GAPVD1: variants seen among roughly 807,000 people sequenced by gnomAD.
The protein encoded by GAPVD1 is GTPase activating protein and VPS9 domains 1.
Under a neutral mutation model 155.5 loss-of-function variants are expected in GAPVD1, and 35 were observed. The observed-to-expected ratio is 0.23, with a 90% CI of 0.17 to 0.30. GAPVD1 has a LOEUF of 0.30. Ranked by LOEUF, GAPVD1 falls within the 10% of genes least tolerant of loss-of-function variation. GAPVD1 has a pLI of 1.00. For synonymous variants in GAPVD1, 636 were observed against 619.7 expected (o/e 1.03, Z -0.39); for missense variants, 1,429 against 1,775.7 (o/e 0.80, Z 3.51).
intron 22 of GAPVD1, 46 bp downstream of exon 22, chr9:125,350,450 G>T (rs369523796): frequency 1.1e-5 from 13 of 1,202,834 alleles, no homozygotes; most frequent in Non-Finnish European, 1.6e-5. Context: ...TTTATGGGTT[G>T]CACCATATGA....
intron 9 of GAPVD1, among the ~76,000 whole-genome samples, chr9:125,315,740 T>C (rs762904724): frequency 2.0e-5 from 3 of 151,946 alleles, no homozygotes; most frequent in Non-Finnish European, 4.4e-5. Flanking sequence ...AGGAAGAGGC[T>C]TGGGAAGGAG....
At position 125,263,665 on chromosome 9, in the gene GAPVD1, T is replaced by C. The variant is rs992463851; in HGVS notation, c.-199+1706T>C. The C allele has an allele frequency of 2.0e-5, 19 of 956,778 alleles. No homozygotes were observed. The East Asian group carries it at 4.3e-4, about 22-fold the overall frequency. The allele number at this position is 956,778 out of a possible 1,614,324, so 59.3% of individuals were successfully genotyped here. A position where few individuals can be genotyped will look rare whatever the true frequency, so the allele number is the denominator to read the frequency against. ...TGACCCAGCCCCAGCCTCAGCTTTC[T>C]TGTCGGCACTAAGTGGCACAGCACT... On this transcript the variant is annotated intron_variant, in intron 1 of 27. Coordinates refer to ENST00000297933, the MANE Select transcript of GAPVD1 (RefSeq NM_001282680.3).
At chr9:125,328,802 C>A (rs1392594616) in intron 12 of GAPVD1, among the ~76,000 whole-genome samples, 1 of 150,046 alleles carries the variant, frequency 6.7e-6, no homozygotes, top group Non-Finnish European at 1.5e-5. Flanking sequence ...CCTCACCTCC[C>A]GGACGAGGCG....
intron 2 of GAPVD1, among the ~76,000 whole-genome samples, chr9:125,293,852 T>TTTTA (rs1839178964): frequency 1.4e-4 from 5 of 35,194 alleles, no homozygotes; most frequent in African/African-American, 1.6e-4. Flanking sequence ...AAAATATATT[T>TTTTA]TATATATATA....
chr9:125,304,934 G>T, intron 5 of GAPVD1, 129 bp from the exon 6 acceptor site: 1 of 527,796 alleles, frequency 1.9e-6, no homozygotes, highest in South Asian at 3.4e-5. Context: ...TCATATGCCT[G>T]GTCAGGTGAT....
chr9:125,286,589 T>C (rs1837744498), intron 2 of GAPVD1, among the ~76,000 whole-genome samples: 1 of 152,204 alleles, frequency 6.6e-6, no homozygotes, highest in Non-Finnish European at 1.5e-5. Flanking sequence ...TCTTTGATTT[T>C]ACTTATGTTC....
At position 125,298,952 on chromosome 9, in the gene GAPVD1, C is replaced by T. The variant is rs1163505441; in HGVS notation, c.31C>T (p.His11Tyr). 2 of 1,609,730 alleles carry T rather than the reference C, an allele frequency of 1.2e-6. No homozygotes were observed. The highest frequency in any genetic ancestry group is 1.7e-6 in the Non-Finnish European group (2 of 1,178,226). The change falls in exon 4 of 28, where the codon CAT (histidine) becomes TAT (tyrosine). Residue 11 changes from histidine (H) to tyrosine (Y), a missense_variant. By Grantham distance (83) the His-to-Tyr change is moderately conservative. Coordinates refer to ENST00000297933, the MANE Select transcript of GAPVD1 (RefSeq NM_001282680.3). ...GAAACTAGATATTCATACTCTGGCT[C>T]ATCACCTCAAGCAGGAACGCTTATA... MVKLDIHTLA[H>Y]HLKQERLYVN...
chr9:125,302,933 C>G, intron 5 of GAPVD1, 107 bp downstream of exon 5: 1 of 1,363,124 alleles, frequency 7.3e-7, no homozygotes, highest in Non-Finnish European at 9.9e-7. Flanking sequence ...TATATTCTTA[C>G]AACTTTTTCT....
chr9:125,366,454 G>A lies in GAPVD1; in HGVS notation c.*3708G>A, dbSNP rs1470329656. 1.3e-5 allele frequency: 2 copies of A among 152,228 alleles called. No homozygotes were observed. Among genetic ancestry groups the A allele is most frequent in the Non-Finnish European group, 2.9e-5 (2 of 68,036 alleles). 9.4% of individuals were successfully genotyped at this position (152,228 alleles called of 1,614,324 possible). ...TGGATTGCATAAAAGTGATAGAAGT[G>A]TAGTGGGGTTCACTTCCTCAATTGG... On this transcript the variant is annotated 3_prime_UTR_variant, in exon 28 of 28. Transcript: ENST00000297933.
intron 9 of GAPVD1, among the ~76,000 whole-genome samples, chr9:125,320,140 GT>G (rs1379938681): frequency 2.0e-5 from 3 of 152,070 alleles, no homozygotes; most frequent in South Asian, 4.1e-4. Context: ...TTTGTGGTAA[GT>G]TTTTTTCTTT....
intron 2 of GAPVD1, among the ~76,000 whole-genome samples, chr9:125,274,142 C>T (rs1835366407): frequency 6.6e-6 from 1 of 151,806 alleles, no homozygotes; most frequent in Non-Finnish European, 1.5e-5. Context: ...CTCAGCCTCC[C>T]AAGTAGCTGT....
At chr9:125,310,563 G>A (rs1371729388) in intron 8 of GAPVD1, among the ~76,000 whole-genome samples, 5 of 148,030 alleles carry the variant, frequency 3.4e-5, no homozygotes, top group African/African-American at 1.2e-4. Context: ...TTTTGAGGCG[G>A]AGTCTAGCTC....
intron 10 of GAPVD1, among the ~76,000 whole-genome samples, chr9:125,323,220 C>A (rs927398640): frequency 2.6e-5 from 4 of 151,894 alleles, no homozygotes; most frequent in African/African-American, 9.7e-5. Context: ...AATTCCCCTG[C>A]CTCAGCCTCC....
chr9:125,281,733 TTTAA>T (rs1272955850), intron 2 of GAPVD1, among the ~76,000 whole-genome samples: 22 of 152,202 alleles, frequency 1.4e-4, no homozygotes, highest in Admixed American at 1.0e-3. Flanking sequence ...TTGTGTAATT[TTTAA>T]TTAGATTGTC....
intron 9 of GAPVD1, among the ~76,000 whole-genome samples, chr9:125,313,207 A>C (rs1384711673): frequency 6.6e-6 from 1 of 152,104 alleles, no homozygotes; most frequent in African/African-American, 2.4e-5. Flanking sequence ...CCGATCTCCA[A>C]ATACCATCAC....
chr9:125,330,720 A>G (rs1845947038), intron 13 of GAPVD1, among the ~76,000 whole-genome samples: 1 of 152,238 alleles, frequency 6.6e-6, no homozygotes, highest in African/African-American at 2.4e-5. Context: ...GCTCTGTTAG[A>G]TAGCATAGAC....
chr9:125,357,711 T>C (rs1850299955), intron 25 of GAPVD1, among the ~76,000 whole-genome samples: 1 of 151,314 alleles, frequency 6.6e-6, no homozygotes, highest in South Asian at 2.1e-4. Context: ...CAGTGGCGTA[T>C]GCCTGTAATC....
At chr9:125,267,216 A>G (rs994566086) in intron 1 of GAPVD1, among the ~76,000 whole-genome samples, 3 of 152,078 alleles carry the variant, frequency 2.0e-5, no homozygotes, top group Non-Finnish European at 4.4e-5. Flanking sequence ...GAAGATGCAC[A>G]TTTTACTTTG....
At chr9:125,338,351 C>T (rs1049825226) in intron 17 of GAPVD1, among the ~76,000 whole-genome samples, 1 of 152,192 alleles carries the variant, frequency 6.6e-6, no homozygotes, top group Admixed American at 6.5e-5. Flanking sequence ...CATGGTACAG[C>T]CATCAGCTTC....
Sources: allele counts gnomAD v4.1 joint callset (sites outside exome capture counted in the v4.1 genomes callset), GRCh38; gene constraint gnomAD v4.1.1; transcripts MANE v1.5; gene names NCBI Gene and HGNC (gene_info 2026-07-23, HGNC 2026-07-21).